PWWP2A: variants seen among roughly 807,000 people sequenced by gnomAD.
PWWP2A encodes the protein PWWP domain-containing protein 2A.
Under a neutral mutation model 48.5 loss-of-function variants are expected in PWWP2A, and 18 were observed. The observed-to-expected ratio is 0.37, with a 90% CI of 0.26 to 0.55. The LOEUF (loss-of-function observed/expected upper bound fraction) is 0.55, where lower values mean the gene tolerates loss of function less well. Among genes scored for constraint, PWWP2A ranks in the 20% least tolerant of loss-of-function variants. PWWP2A has a pLI of 0.81. For synonymous variants in PWWP2A, 396 were observed against 387.7 expected, an observed-to-expected ratio of 1.02 and a Z score of -0.25; for missense variants, 867 against 976.4, an observed-to-expected ratio of 0.89 and a Z score of 1.49.
chr5:160,058,381 A>G (rs1757600889), downstream of PWWP2A, among the ~76,000 whole-genome samples: 6 of 151,122 alleles, frequency 4.0e-5, no homozygotes, highest in Admixed American at 1.3e-4. Flanking sequence ...TGACCATCTC[A>G]GCAGCCATAG....
rs550511761 is a variant in PWWP2A, at chr5:160,095,328, T to G, written c.585-1263A>C. 1.9e-4 allele frequency among the ~76,000 whole-genome samples: 29 copies of G among 152,264 alleles called. No homozygotes were observed. In the South Asian group the frequency reaches 5.8e-3, roughly 30 times the overall value. On this transcript the variant is annotated intron_variant, in intron 1 of 1. Coordinates refer to ENST00000307063, the MANE Select transcript of PWWP2A (RefSeq NM_001130864.2). ...AATTCTCAGTTTCTAATAACCTTATTTCATAAATAGAGTTAGAAATAACAG... is the reference window on the plus strand; with the variant it reads ...AATTCTCAGTTTCTAATAACCTTATGTCATAAATAGAGTTAGAAATAACAG...
downstream of PWWP2A, among the ~76,000 whole-genome samples, chr5:160,075,028 T>C (rs1401233036): frequency 6.6e-6 from 1 of 152,208 alleles, no homozygotes; most frequent in Non-Finnish European, 1.5e-5. Flanking sequence ...AGATTTTCAG[T>C]TGCTTCTATT....
intron 1 of PWWP2A, among the ~76,000 whole-genome samples, chr5:160,097,451 G>A (rs1192328201): frequency 6.7e-6 from 1 of 148,650 alleles, no homozygotes; most frequent in African/African-American, 2.5e-5. Flanking sequence ...CCAACATGGT[G>A]AAACCCCGTC....
At chr5:160,059,117 T>C (rs1268671377), downstream of PWWP2A, among the ~76,000 whole-genome samples, 2 of 152,220 alleles carry the variant, frequency 1.3e-5, no homozygotes, top group African/African-American at 4.8e-5. Flanking sequence ...CAGCCTATCC[T>C]TTGAAGCCAG....
At chr5:160,071,304 A>C (rs930557683), downstream of PWWP2A, among the ~76,000 whole-genome samples, 1 of 152,182 alleles carries the variant, frequency 6.6e-6, no homozygotes, top group Non-Finnish European at 1.5e-5. Context: ...CTAGAATCTA[A>C]GTTGGTGCAG....
At chr5:160,090,329 T>C, downstream of PWWP2A, 2 of 984,532 alleles carry the variant, frequency 2.0e-6, no homozygotes, top group Non-Finnish European at 2.4e-6. Context: ...TGGAATTACA[T>C]ATTTTGATGA....
At chr5:160,115,060 C>T (rs1362164655) in intron 1 of PWWP2A, among the ~76,000 whole-genome samples, 1 of 145,344 alleles carries the variant, frequency 6.9e-6, no homozygotes, top group South Asian at 2.2e-4. Flanking sequence ...TCACTTGAAC[C>T]CGGTGGGGCG....
intron 1 of PWWP2A, 23 bp from the exon 2 acceptor site, chr5:160,094,088 AAAG>A: frequency 6.4e-7 from 1 of 1,554,674 alleles, no homozygotes; most frequent in Non-Finnish European, 8.7e-7. Flanking sequence ...TGGAAGAAAA[AAAG>A]AAGACATTAA....
At chr5:160,109,757 G>GAAAAAAAAA (rs755988668) in intron 1 of PWWP2A, among the ~76,000 whole-genome samples, 1 of 53,384 alleles carries the variant, frequency 1.9e-5, no homozygotes, top group African/African-American at 7.6e-5. Context: ...ATGCAACTGG[G>GAAAAAAAAA]AAAAAAAAAA....
At chr5:160,108,224 G>T (rs1757100010) in intron 1 of PWWP2A, among the ~76,000 whole-genome samples, 1 of 151,724 alleles carries the variant, frequency 6.6e-6, no homozygotes, top group Non-Finnish European at 1.5e-5. Flanking sequence ...GACTCAGAAT[G>T]AAACCAGGTT....
At chr5:160,084,468 G>A (rs1349343718) in intron 2 of PWWP2A, among the ~76,000 whole-genome samples, 3 of 152,000 alleles carry the variant, frequency 2.0e-5, no homozygotes, top group Admixed American at 6.6e-5. Context: ...TCACTCTGTC[G>A]CCCAAGCTGG....
intron 1 of PWWP2A, among the ~76,000 whole-genome samples, chr5:160,115,858 A>C (rs1328853442): frequency 6.6e-6 from 1 of 152,082 alleles, no homozygotes; most frequent in Non-Finnish European, 1.5e-5. Flanking sequence ...AAAACAAAAA[A>C]AAACACTGTC....
At chr5:160,089,202 T>C (rs1013377560), downstream of PWWP2A, among the ~76,000 whole-genome samples, 1 of 150,926 alleles carries the variant, frequency 6.6e-6, no homozygotes, top group Non-Finnish European at 1.5e-5. Context: ...ATATATAGGG[T>C]TTTTTTTCAG....
chr5:160,102,131 C>T, intron 1 of PWWP2A, among the ~76,000 whole-genome samples: 1 of 141,246 alleles, frequency 7.1e-6, no homozygotes, highest in East Asian at 2.1e-4. Context: ...AAAAAAAATG[C>T]AGCCAGGTGT....
At chr5:160,045,454 C>CCACACACACACACACACACA in the PWWP2A span, among the ~76,000 whole-genome samples, 1 of 38,878 alleles carries the variant, frequency 2.6e-5, no homozygotes, top group Non-Finnish European at 4.8e-5. Flanking sequence ...CCCCCACCCT[C>CCACACACACACACACACACA]CACACACACA....
chr5:160,078,141 A>T lies in PWWP2A; in HGVS notation c.*14T>A, dbSNP rs1047976996. ...TGTGTCATTGTGGTACAGGTCCATGAAACCAGCAGCCTGCTAATGTCTTTG... is the reference window on the plus strand; with the variant it reads ...TGTGTCATTGTGGTACAGGTCCATGTAACCAGCAGCCTGCTAATGTCTTTG... On this transcript the variant is annotated 3_prime_UTR_variant, in exon 4 of 4. Coordinates refer to the PWWP2A transcript ENST00000456329. This position sits in a 1 kb window ranked among gnomAD's most constrained non-coding sequence, Gnocchi z 4.2. 1.3e-6 allele frequency: 2 copies of T among 1,557,528 alleles called. No homozygotes were observed. The highest frequency in any genetic ancestry group is 1.7e-6 in the Non-Finnish European group (2 of 1,148,574).
At chr5:160,054,842 T>C in the PWWP2A span, among the ~76,000 whole-genome samples, 1 of 152,094 alleles carries the variant, frequency 6.6e-6, no homozygotes, top group Admixed American at 6.5e-5. Flanking sequence ...CAGTAGTAAA[T>C]TTTTGCTCAC....
At chr5:160,117,770 G>A in intron 1 of PWWP2A, 1 of 487,456 alleles carries the variant, frequency 2.1e-6, no homozygotes. Flanking sequence ...TCCCCAAATG[G>A]GAAAGAAGGA....
chr5:160,080,502 C>T (rs141958936), intron 3 of PWWP2A: 116 of 684,874 alleles, frequency 1.7e-4, no homozygotes, highest in Admixed American at 1.6e-3. Flanking sequence ...CTATCACCTA[C>T]ACGAGGCACA....
Sources: allele counts gnomAD v4.1 joint callset (sites outside exome capture counted in the v4.1 genomes callset), GRCh38; gene constraint gnomAD v4.1.1; non-coding constraint Gnocchi (gnomAD v3.1); transcripts MANE v1.5; gene names NCBI Gene and HGNC (gene_info 2026-07-23, HGNC 2026-07-21).